PLEKHG1: variants seen among roughly 807,000 people sequenced by gnomAD.
The protein encoded by PLEKHG1 is pleckstrin homology domain-containing family G member 1.
PLEKHG1 carries 44 observed loss-of-function variants against 100.8 expected under a neutral mutation model. The observed-to-expected ratio is 0.44, with a 90% confidence interval of 0.34 to 0.56. The LOEUF is 0.56. Ranked by LOEUF, PLEKHG1 falls within the 20% of genes least tolerant of loss-of-function variation. The pLI is 0.01. For missense variants in PLEKHG1, 1,545 were observed against 1,720.9 expected, an observed-to-expected ratio of 0.90 and a Z score of 1.81; for synonymous variants, 640 against 662.5, an observed-to-expected ratio of 0.97 and a Z score of 0.52.
intron 1 of PLEKHG1, among the ~76,000 whole-genome samples, chr6:150,630,723 T>C (rs1777712467): frequency 6.6e-6 from 1 of 152,082 alleles, no homozygotes; most frequent in Non-Finnish European, 1.5e-5. Context: ...ACCTGAGAAC[T>C]ATCAGCAAAT....
intron 2 of PLEKHG1, among the ~76,000 whole-genome samples, chr6:150,748,303 A>G (rs1486824837): frequency 1.3e-5 from 2 of 152,118 alleles, no homozygotes; most frequent in Non-Finnish European, 2.9e-5. Flanking sequence ...CACTTAGGTT[A>G]CCTCCAATGG....
chr6:150,801,628 T>G (rs192334507), intron 6 of PLEKHG1, among the ~76,000 whole-genome samples: 4 of 151,554 alleles, frequency 2.6e-5, no homozygotes, highest in Non-Finnish European at 4.4e-5. Context: ...TTGGTAGAGA[T>G]AGAGTTTCAC....
chr6:150,797,190 G>A (rs1262513341), intron 5 of PLEKHG1, among the ~76,000 whole-genome samples: 1 of 152,100 alleles, frequency 6.6e-6, no homozygotes, highest in African/African-American at 2.4e-5. Flanking sequence ...GAGAGCTAGG[G>A]AGACTTTACA....
At chr6:150,749,431 T>C (rs1172449229) in intron 2 of PLEKHG1, among the ~76,000 whole-genome samples, 1 of 152,174 alleles carries the variant, frequency 6.6e-6, no homozygotes, top group Non-Finnish European at 1.5e-5. Flanking sequence ...AGGGGAACAA[T>C]TAAGGTCACT....
chr6:150,717,218 T>G (rs1217091489), upstream of PLEKHG1, among the ~76,000 whole-genome samples: 1 of 151,672 alleles, frequency 6.6e-6, no homozygotes, highest in East Asian at 1.9e-4. Context: ...TTTTTTTTTT[T>G]TAGTAGATTC....
intron 3 of PLEKHG1, among the ~76,000 whole-genome samples, chr6:150,712,835 G>A (rs1053731692): frequency 3.3e-5 from 5 of 152,218 alleles, no homozygotes; most frequent in African/African-American, 1.2e-4. Context: ...AGTGAAGGCA[G>A]CCTAATGTAG....
At chr6:150,668,544 C>T (rs1478186014) in intron 3 of PLEKHG1, among the ~76,000 whole-genome samples, 1 of 152,180 alleles carries the variant, frequency 6.6e-6, no homozygotes, top group African/African-American at 2.4e-5. Context: ...GCTCAACTCT[C>T]CTTTGATCTG....
In PLEKHG1 at chr6:150,679,167, A is replaced by G. The variant is rs145172433; in HGVS notation, c.-99+28381A>G. 1.2e-3 allele frequency among the ~76,000 whole-genome samples: 177 copies of G among 152,370 alleles called. 1 individual carries two copies. Among genetic ancestry groups the G allele is most frequent in the Non-Finnish European group, 2.2e-3 (147 of 68,032 alleles). ...AAATAAATACAGAAATCATGTTTGT[A>G]GGATTTTAAAGGTTTGGCATGAGTA... On this transcript the variant is annotated intron_variant, in intron 3 of 3. Transcript: ENST00000367326.
chr6:150,643,806 G>A (rs1778370402), intron 2 of PLEKHG1, among the ~76,000 whole-genome samples: 1 of 152,050 alleles, frequency 6.6e-6, no homozygotes, highest in African/African-American at 2.4e-5. Flanking sequence ...CTGGTTAGGA[G>A]GCTAAGAAAT....
chr6:150,610,302 A>G (rs1234725191), intron 1 of PLEKHG1, among the ~76,000 whole-genome samples: 1 of 152,142 alleles, frequency 6.6e-6, no homozygotes, highest in Non-Finnish European at 1.5e-5. Context: ...GGGTTTCACC[A>G]TATTGGCCAG....
At chr6:150,834,624 A>G (rs1054483142) in intron 15 of PLEKHG1, among the ~76,000 whole-genome samples, 2 of 152,208 alleles carry the variant, frequency 1.3e-5, no homozygotes, top group African/African-American at 4.8e-5. Flanking sequence ...TAAGTATTAA[A>G]TGATTTCACA....
chr6:150,649,567 G>A (rs1178732867), intron 2 of PLEKHG1, among the ~76,000 whole-genome samples: 5 of 152,134 alleles, frequency 3.3e-5, no homozygotes, highest in African/African-American at 1.2e-4. Context: ...AAATGTCTGC[G>A]GTTCTTTCTT....
intron 2 of PLEKHG1, among the ~76,000 whole-genome samples, chr6:150,644,369 C>A (rs1202817032): frequency 5.3e-5 from 5 of 94,918 alleles, no homozygotes; most frequent in Non-Finnish European, 8.0e-5. Context: ...GAGTCTCACT[C>A]TGTCACCCAG....
intron 1 of PLEKHG1, among the ~76,000 whole-genome samples, chr6:150,632,091 A>T (rs1777780264): frequency 6.6e-6 from 1 of 152,216 alleles, no homozygotes; most frequent in Non-Finnish European, 1.5e-5. Flanking sequence ...TACAAGTAGC[A>T]AAAGGTCAAC....
Position 150,690,141 on chromosome 6 carries a change from C to T in PLEKHG1, c.-99+39355C>T, listed in dbSNP as rs572735499. ...ACTGAGGGTGATGGGAGTCTCCTGG[C>T]TGCTCAACAGTGTGACTTGAGACAG... is the stretch of plus-strand genomic sequence containing the variant. On this transcript the variant is annotated intron_variant, in intron 3 of 3. Transcript: ENST00000367326. 2.0e-5 allele frequency among the ~76,000 whole-genome samples: 3 copies of T among 152,250 alleles called. No homozygotes were observed. The South Asian group carries it at 6.2e-4, about 32-fold the overall frequency.
intron 3 of PLEKHG1, among the ~76,000 whole-genome samples, chr6:150,656,875 A>G (rs1334298802): frequency 2.0e-5 from 3 of 152,200 alleles, no homozygotes; most frequent in Non-Finnish European, 4.4e-5. Flanking sequence ...AAAGTTCTAT[A>G]CAATATACCA....
chr6:150,611,370 T>C (rs1041408713), intron 1 of PLEKHG1, among the ~76,000 whole-genome samples: 1 of 152,204 alleles, frequency 6.6e-6, no homozygotes, highest in Non-Finnish European at 1.5e-5. Flanking sequence ...ACAAAAAAAT[T>C]AGCTAAACTG....
At chr6:150,642,695 G>A (rs963935214) in intron 2 of PLEKHG1, among the ~76,000 whole-genome samples, 6 of 152,184 alleles carry the variant, frequency 3.9e-5, no homozygotes, top group Non-Finnish European at 8.8e-5. Context: ...ACCTGCACTG[G>A]TATGCTGTTG....
At chr6:150,641,808 T>C (rs582625) in intron 2 of PLEKHG1, among the ~76,000 whole-genome samples, 1 of 147,426 alleles carries the variant, frequency 6.8e-6, no homozygotes, top group South Asian at 2.1e-4. Flanking sequence ...CTCTGTGATA[T>C]ATTTGGAAGT....
Sources: gnomAD v4.1 joint callset for allele counts (sites outside exome capture counted in the v4.1 genomes callset) on GRCh38, gnomAD v4.1.1 for gene constraint, MANE v1.5 for transcripts, NCBI Gene and HGNC (gene_info 2026-07-23, HGNC 2026-07-21) for gene names.